The following HAUS1 variants were observed in gnomAD, a reference collection of about 807,000 sequenced individuals.
HAUS1 encodes HAUS augmin-like complex subunit 1.
HAUS1 carries 25 observed loss-of-function variants against 38.6 expected under a neutral mutation model. The observed-to-expected ratio is 0.65, with a 90% CI of 0.47 to 0.91. The LOEUF (loss-of-function observed/expected upper bound fraction) is 0.91. Ranked by LOEUF, HAUS1 falls within the 40% of genes least tolerant of loss-of-function variation. The pLI is 0.00. For missense variants in HAUS1, 325 were observed against 328.4 expected (o/e 0.99, Z 0.08); for synonymous variants, 109 against 112.9 (o/e 0.97, Z 0.22).
intron 2 of HAUS1, chr18:46,106,752 C>G (rs1206473258): frequency 6.6e-6 from 1 of 152,106 alleles, no homozygotes; most frequent in African/African-American, 2.4e-5. Flanking sequence ...CAGTGGCTCA[C>G]GCCTGTAATC....
chr18:46,108,337 A>G (rs1347842644), intron 2 of HAUS1, among the ~76,000 whole-genome samples: 2 of 145,904 alleles, frequency 1.4e-5, no homozygotes. Flanking sequence ...TTTACTAGAG[A>G]CAGTGTTTCA....
chr18:46,126,364 T>G (rs1009977018), intron 8 of HAUS1, among the ~76,000 whole-genome samples: 1 of 152,172 alleles, frequency 6.6e-6, no homozygotes, highest in Admixed American at 6.6e-5. Context: ...TATTGAGAGA[T>G]ATAGAATATT....
At chr18:46,127,777 C>G (rs1367795192) in intron 8 of HAUS1, among the ~76,000 whole-genome samples, 1 of 151,390 alleles carries the variant, frequency 6.6e-6, no homozygotes, top group African/African-American at 2.4e-5. Flanking sequence ...GTTTTAGTAG[C>G]AAAGGCCAGA....
At chr18:46,114,940 C>A (rs898147805) in intron 2 of HAUS1, 3 of 152,152 alleles carry the variant, frequency 2.0e-5, no homozygotes, top group African/African-American at 7.2e-5. Flanking sequence ...GGTTTGTTTT[C>A]TTTCTTTCTT....
intron 2 of HAUS1, 182 bp downstream of exon 2, chr18:46,105,550 ATGTG>A (rs34943742): frequency 0.22 from 60,101 of 268,220 alleles, 7,106 homozygotes; most frequent in Middle Eastern, 0.28. Context: ...ATGTATATGT[ATGTG>A]TGTGTGTGTG....
At chr18:46,106,163 T>C (rs1911472441) in intron 2 of HAUS1, among the ~76,000 whole-genome samples, 1 of 152,092 alleles carries the variant, frequency 6.6e-6, no homozygotes, top group South Asian at 2.1e-4. Flanking sequence ...CTGCTGGGCA[T>C]ATATAGTTTG....
chr18:46,117,865 G>C (rs1911836302), intron 2 of HAUS1, among the ~76,000 whole-genome samples: 1 of 151,992 alleles, frequency 6.6e-6, no homozygotes, highest in Admixed American at 6.6e-5. Flanking sequence ...AGAATCACTG[G>C]AACCCGGGGG....
At position 46,104,387 on chromosome 18, in the gene HAUS1, T is replaced by A; in HGVS notation, c.-25T>A. ...GGGCGCATCTCCCGCTAGGAGTTCCTAGTAAAGTGGCGGGAGCCGCAGCTA... is the reference window on the plus strand; with the variant it reads ...GGGCGCATCTCCCGCTAGGAGTTCCAAGTAAAGTGGCGGGAGCCGCAGCTA... On this transcript the variant is annotated 5_prime_UTR_variant, in exon 1 of 9. Transcript: ENST00000282058. The A allele has an allele frequency of 6.9e-7, 1 of 1,458,856 alleles. No homozygotes were observed. Among genetic ancestry groups the A allele is most frequent in the Non-Finnish European group, 9.1e-7 (1 of 1,094,558 alleles). 90.4% of individuals were successfully genotyped at this position (1,458,856 alleles called of 1,614,324 possible). A position where few individuals can be genotyped will look rare whatever the true frequency, so the allele number is the denominator to read the frequency against.
intron 8 of HAUS1, 31 bp from the exon 9 acceptor site, chr18:46,128,044 C>G: frequency 7.2e-7 from 1 of 1,388,194 alleles, no homozygotes. Context: ...TGTTTTATGT[C>G]CTTATCTATG....
At position 46,122,585 on chromosome 18, in the gene HAUS1, G is replaced by A. The variant is rs1485677159; in HGVS notation, c.595G>A (p.Ala199Thr). 1 of 1,614,158 alleles carries A rather than the reference G, an allele frequency of 6.2e-7. No homozygotes were observed. The highest frequency in any genetic ancestry group is 8.5e-7 in the Non-Finnish European group (1 of 1,180,026). The change falls in exon 5 of 9, where the codon GCA (alanine) becomes ACA (threonine). Residue 199 changes from alanine to threonine, a missense_variant. By Grantham distance (58) the Ala-to-Thr change is moderately conservative (BLOSUM62 0). Coordinates refer to ENST00000282058, the MANE Select transcript of HAUS1 (RefSeq NM_138443.4). ...GGAATTCAGATTTGGAATCAAGGCTGCAGAGGTTTGTATGAAGGACCGAAT... is the reference window on the plus strand; with the variant it reads ...GGAATTCAGATTTGGAATCAAGGCTACAGAGGTTTGTATGAAGGACCGAAT... ...SEEFRFGIKA[A>T]EEQLSARGMD...
intron 8 of HAUS1, 176 bp downstream of exon 8, chr18:46,125,967 A>G (rs533464253): frequency 1.8e-5 from 9 of 512,924 alleles, no homozygotes; most frequent in African/African-American, 1.4e-4. Flanking sequence ...ACGTGTGTAT[A>G]TATTTTTTCC....
At chr18:46,115,458 CAAAAAAA>C (rs35249053) in intron 2 of HAUS1, among the ~76,000 whole-genome samples, 2 of 108,858 alleles carry the variant, frequency 1.8e-5, no homozygotes, top group African/African-American at 3.4e-5. Flanking sequence ...GACTGCATCT[CAAAAAAA>C]AAAAAAAAAA....
chr18:46,123,364 G>T lies in HAUS1; in HGVS notation c.666G>T (p.Glu222Asp), dbSNP rs746691730. 7 of 1,597,330 alleles carry T rather than the reference G, an allele frequency of 4.4e-6. No homozygotes were observed. The highest frequency in any genetic ancestry group is 6.0e-6 in the Non-Finnish European group (7 of 1,169,192). The change falls in exon 6 of 9, where the codon GAG (glutamate) becomes GAT (aspartate). Residue 222 changes from glutamate to aspartate, a missense_variant and splice_region_variant. Coordinates refer to ENST00000282058, the MANE Select transcript of HAUS1 (RefSeq NM_138443.4). ...ATCAGTCCTTAGTAGCACTATCAGAGGTGAGCTTATTTTAACCTAATTTAA... is the reference window on the plus strand; with the variant it reads ...ATCAGTCCTTAGTAGCACTATCAGATGTGAGCTTATTTTAACCTAATTTAA... Reference protein sequence around the residue: ...LSHQSLVALSEKLARLKQQTI... With the variant: ...LSHQSLVALSDKLARLKQQTI...
In HAUS1 at chr18:46,122,582, G is replaced by C. The variant is rs2144263478; in HGVS notation, c.592G>C (p.Ala198Pro). 1 of 1,614,118 alleles carries C rather than the reference G, an allele frequency of 6.2e-7. No homozygotes were observed. Among genetic ancestry groups the C allele is most frequent in the Non-Finnish European group, 8.5e-7 (1 of 1,180,004 alleles). The change falls in exon 5 of 9, where the codon GCT becomes CCT. Residue 198 changes from alanine to proline, a missense_variant. Ala to Pro is a conservative substitution (Grantham distance 27). Coordinates refer to ENST00000282058, the MANE Select transcript of HAUS1 (RefSeq NM_138443.4). ...AGAGGAATTCAGATTTGGAATCAAG[G>C]CTGCAGAGGTTTGTATGAAGGACCG... is the stretch of plus-strand genomic sequence containing the variant. ...KSEEFRFGIKAAEEQLSARGM... is the reference protein window; with the variant it reads ...KSEEFRFGIKPAEEQLSARGM...
At chr18:46,116,586 C>A (rs28775410) in intron 2 of HAUS1, among the ~76,000 whole-genome samples, 35,922 of 151,296 alleles carry the variant, frequency 0.24, 5,615 homozygotes, top group African/African-American at 0.43. Flanking sequence ...ACAAAAAAAA[C>A]CAAAACCTCA....
chr18:46,122,367 G>T, intron 4 of HAUS1, 100 bp from the exon 5 acceptor site: 2 of 1,262,974 alleles, frequency 1.6e-6, no homozygotes, highest in Middle Eastern at 2.8e-4. Context: ...CCAACTCTTG[G>T]CCAAGCCAGC....
intron 4 of HAUS1, among the ~76,000 whole-genome samples, chr18:46,121,348 C>G (rs887575584): frequency 6.6e-6 from 1 of 151,960 alleles, no homozygotes; most frequent in Admixed American, 6.6e-5. Context: ...TGCCACCACA[C>G]CCAGCTAATT....
intron 2 of HAUS1, among the ~76,000 whole-genome samples, chr18:46,111,511 G>A (rs1431851702): frequency 2.0e-5 from 3 of 151,966 alleles, no homozygotes; most frequent in Non-Finnish European, 2.9e-5. Flanking sequence ...TAGTAGAGAC[G>A]GGGTTTCGCC....
chr18:46,126,268 C>T (rs1358017173), intron 8 of HAUS1, among the ~76,000 whole-genome samples: 1 of 152,056 alleles, frequency 6.6e-6, no homozygotes, highest in Non-Finnish European at 1.5e-5. Context: ...GAGCAAGACT[C>T]CCTCTCAAAA....
Sources: allele counts gnomAD v4.1 joint callset (sites outside exome capture counted in the v4.1 genomes callset), GRCh38; gene constraint gnomAD v4.1.1; transcripts MANE v1.5; gene names NCBI Gene and HGNC (gene_info 2026-07-23, HGNC 2026-07-21).